The following PDZD2 variants were observed in gnomAD, a reference collection of about 807,000 sequenced individuals.
PDZD2 encodes PDZ domain containing 2.
A neutral mutation model predicts 220.7 loss-of-function variants in PDZD2; 90 were observed. The observed-to-expected ratio is 0.41, with a 90% CI of 0.34 to 0.49. The LOEUF is 0.49. PDZD2 is among the 20% of genes least tolerant of loss of function. The probability of loss-of-function intolerance (pLI) is 0.28; values close to 1 mark genes in which losing one functional copy is unlikely to be tolerated. For missense variants in PDZD2, 3,174 were observed against 3,608.5 expected (o/e 0.88, Z 3.08); for synonymous variants, 1,375 against 1,450.5 (o/e 0.95, Z 1.18).
chr5:31,785,425 T>A (rs924027822), intron 1 of PDZD2, among the ~76,000 whole-genome samples: 4 of 146,692 alleles, frequency 2.7e-5, no homozygotes, highest in Non-Finnish European at 6.0e-5. Context: ...TCATATATAT[T>A]ATATATATAT....
At chr5:32,099,456 T>C (rs752384525) in intron 23 of PDZD2, 5 of 152,260 alleles carry the variant, frequency 3.3e-5, no homozygotes, top group Non-Finnish European at 5.9e-5. Flanking sequence ...TTGCTGAAAA[T>C]GGCTCCGATT....
chr5:31,856,620 G>A (rs1010795058), intron 2 of PDZD2, among the ~76,000 whole-genome samples: 5 of 152,064 alleles, frequency 3.3e-5, no homozygotes, highest in African/African-American at 9.7e-5. Context: ...ATTTCCCAGC[G>A]GCGCACCTGG....
intron 2 of PDZD2, among the ~76,000 whole-genome samples, chr5:31,974,889 G>A (rs189984691): frequency 1.3e-5 from 2 of 152,076 alleles, no homozygotes; most frequent in African/African-American, 4.8e-5. Flanking sequence ...TGCATTCCAG[G>A]GACATAGTGA....
chr5:31,871,717 G>A (rs550023779), intron 2 of PDZD2, among the ~76,000 whole-genome samples: 5 of 152,320 alleles, frequency 3.3e-5, no homozygotes, highest in African/African-American at 9.6e-5. Context: ...CCAAAGTGCT[G>A]GGATTACAGG....
At chr5:31,673,620 G>T (rs1161418613) in intron 1 of PDZD2, among the ~76,000 whole-genome samples, 1 of 152,148 alleles carries the variant, frequency 6.6e-6, no homozygotes, top group Non-Finnish European at 1.5e-5. Context: ...TGGGGACTCT[G>T]GGAGGTAATT....
At chr5:31,661,820 A>G (rs1745779822) in intron 1 of PDZD2, among the ~76,000 whole-genome samples, 1 of 141,878 alleles carries the variant, frequency 7.0e-6, no homozygotes, top group Admixed American at 7.4e-5. Context: ...CATCAGAGAT[A>G]TTCAGGGGCA....
chr5:32,064,922 C>G (rs1012159470), intron 14 of PDZD2, among the ~76,000 whole-genome samples: 5 of 151,776 alleles, frequency 3.3e-5, no homozygotes, highest in Admixed American at 1.3e-4. Context: ...GAGCCAGGAT[C>G]GTGCCACTGC....
chr5:32,015,678 T>A (rs888856021), intron 6 of PDZD2, among the ~76,000 whole-genome samples: 1 of 152,154 alleles, frequency 6.6e-6, no homozygotes, highest in Non-Finnish European at 1.5e-5. Flanking sequence ...CTTTCTCAAG[T>A]GTAAATAATG....
chr5:31,671,624 GC>G (rs1746219938), intron 1 of PDZD2, among the ~76,000 whole-genome samples: 1 of 152,184 alleles, frequency 6.6e-6, no homozygotes, highest in African/African-American at 2.4e-5. Flanking sequence ...GGTTGCTCCT[GC>G]TGTGAAATCT....
At chr5:32,017,439 C>CA (rs11289719) in intron 6 of PDZD2, among the ~76,000 whole-genome samples, 1,688 of 126,872 alleles carry the variant, frequency 0.013, 15 homozygotes, top group East Asian at 0.039. Flanking sequence ...GACCCTGTCT[C>CA]AAAAAAAAAA....
intron 2 of PDZD2, among the ~76,000 whole-genome samples, chr5:31,904,777 G>A (rs1742478854): frequency 6.6e-6 from 1 of 152,068 alleles, no homozygotes; most frequent in African/African-American, 2.4e-5. Context: ...AGTAGTGATG[G>A]TGAATATTAT....
At chr5:31,654,280 C>T (rs1291178918) in intron 1 of PDZD2, among the ~76,000 whole-genome samples, 2 of 152,254 alleles carry the variant, frequency 1.3e-5, no homozygotes, top group Non-Finnish European at 2.9e-5. Flanking sequence ...TGAAACACTC[C>T]TTACCTTGGC....
intron 1 of PDZD2, among the ~76,000 whole-genome samples, chr5:31,729,257 C>A (rs1400107616): frequency 6.6e-6 from 1 of 151,904 alleles, no homozygotes; most frequent in Non-Finnish European, 1.5e-5. Flanking sequence ...CCACTACACC[C>A]GGCTAATTTT....
rs1742728741 is a variant in PDZD2 at position 32,088,342 on chromosome 5, T to C, written c.4894T>C (p.Ser1632Pro). The change falls in exon 20 of 25, where the codon TCA (serine) becomes CCA (proline). Residue 1632 changes from serine to proline, a missense_variant. Ser to Pro is a moderately conservative substitution (Grantham distance 74). Coordinates refer to ENST00000438447, the MANE Select transcript of PDZD2 (RefSeq NM_178140.4). The surrounding 1 kb of genome is among the most constrained non-coding windows in gnomAD (Gnocchi z 4.6). ...CTGTCCTGCCTCAGCCAAAGTTCTG[T>C]CATTAAAATACAGCACTCCGAGAGA... ...AICPASAKVLSLKYSTPRESV... is the reference protein window; with the variant it reads ...AICPASAKVLPLKYSTPRESV... 6.2e-7 allele frequency: 1 copy of C among 1,613,984 alleles called. No individual in the cohort carries two copies. Among genetic ancestry groups the C allele is most frequent in the Admixed American group, 1.7e-5 (1 of 59,994 alleles).
At chr5:31,664,515 G>T (rs72753573) in intron 1 of PDZD2, among the ~76,000 whole-genome samples, 7,094 of 150,992 alleles carry the variant, frequency 0.047, 216 homozygotes, top group Non-Finnish European at 0.07. Flanking sequence ...CACACACACA[G>T]AAATACATGC....
chr5:31,708,970 C>T (rs1215480901), intron 1 of PDZD2, among the ~76,000 whole-genome samples: 4 of 149,164 alleles, frequency 2.7e-5, no homozygotes, highest in Non-Finnish European at 6.0e-5. Context: ...TCACTGCAAC[C>T]TCCGCCTCCC....
At chr5:32,022,177 G>GTTTTTTTTTTTTTTTTT in intron 6 of PDZD2, among the ~76,000 whole-genome samples, 1 of 92,156 alleles carries the variant, frequency 1.1e-5, no homozygotes, top group Non-Finnish European at 2.5e-5. Flanking sequence ...TTTTCGTTTT[G>GTTTTTTTTTTTTTTTTT]TTTTTTTGTT....
At chr5:31,670,676 C>A (rs1276464680) in intron 1 of PDZD2, among the ~76,000 whole-genome samples, 1 of 152,168 alleles carries the variant, frequency 6.6e-6, no homozygotes, top group Non-Finnish European at 1.5e-5. Flanking sequence ...CCGCCTCAGC[C>A]TCCCAAAGTG....
At chr5:32,022,195 T>TTG (rs1554026994) in intron 6 of PDZD2, among the ~76,000 whole-genome samples, 12 of 145,598 alleles carry the variant, frequency 8.2e-5, no homozygotes, top group South Asian at 2.2e-4. Context: ...GTTTTTTTGT[T>TTG]TTTTGTTTTT....
Sources: gnomAD v4.1 joint callset for allele counts (sites outside exome capture counted in the v4.1 genomes callset) on GRCh38, gnomAD v4.1.1 for gene constraint, Gnocchi (gnomAD v3.1) non-coding constraint, MANE v1.5 for transcripts, NCBI Gene and HGNC (gene_info 2026-07-23, HGNC 2026-07-21) for gene names.